The following TANC2 variants were observed in gnomAD, a reference collection of about 807,000 sequenced individuals.
TANC2 encodes the protein tetratricopeptide repeat, ankyrin repeat and coiled-coil containing 2, also known as protein TANC2.
Under a neutral mutation model 210.5 loss-of-function variants are expected in TANC2, and 26 were observed. The ratio of observed to expected loss-of-function variants is 0.12; its 90% confidence interval spans 0.09 to 0.17. The LOEUF (loss-of-function observed/expected upper bound fraction) is 0.17. Ranked by LOEUF, TANC2 falls within the 10% of genes least tolerant of loss-of-function variation. TANC2 has a pLI of 1.00. For synonymous variants in TANC2, 931 were observed against 967.1 expected (o/e 0.96, Z 0.69); for missense variants, 2,129 against 2,608.9 (o/e 0.82, Z 4.01).
In TANC2 at chr17:63,412,632, A is replaced by G; in HGVS notation, c.3899-48A>G. On this transcript the variant is annotated intron_variant, in intron 23 of 27. Coordinates refer to ENST00000689528, the Ensembl canonical transcript of TANC2. The surrounding 1 kb of genome is among the most constrained non-coding windows in gnomAD (Gnocchi z 4.2). ...CTTTTTTTTTTTTTCACCTTCATCCATTTTTTTTTCCTCTCCTACAACTTT... is the reference window on the plus strand; with the variant it reads ...CTTTTTTTTTTTTTCACCTTCATCCGTTTTTTTTTCCTCTCCTACAACTTT... 2 of 1,373,116 alleles carry G rather than the reference A, an allele frequency of 1.5e-6. No homozygotes were observed. The highest frequency in any genetic ancestry group is 5.3e-5 in the East Asian group (2 of 37,518). The allele number at this position is 1,373,116 out of a possible 1,614,324, so 85.1% of individuals were successfully genotyped here. A position where few individuals can be genotyped will look rare whatever the true frequency, so the allele number is the denominator to read the frequency against.
At chr17:63,048,013 A>G (rs1366872473) in intron 2 of TANC2, among the ~76,000 whole-genome samples, 2 of 152,178 alleles carry the variant, frequency 1.3e-5, no homozygotes, top group Non-Finnish European at 2.9e-5. Context: ...AAGACTTTTT[A>G]TCAGGATTCT....
chr17:63,111,637 C>T (rs551572089), intron 4 of TANC2, among the ~76,000 whole-genome samples: 14 of 152,252 alleles, frequency 9.2e-5, no homozygotes, highest in Admixed American at 3.3e-4. Context: ...CTTTTTCAGG[C>T]ACAATCTGTC....
chr17:63,165,556 A>C (rs940193726), intron 5 of TANC2, among the ~76,000 whole-genome samples: 10 of 152,178 alleles, frequency 6.6e-5, no homozygotes, highest in African/African-American at 2.4e-4. Context: ...GCTACACTGC[A>C]GTGGATTACT....
chr17:63,300,713 C>T lies in TANC2; in HGVS notation c.1160-13675C>T, dbSNP rs1341785652. 7.2e-5 allele frequency among the ~76,000 whole-genome samples: 11 copies of T among 152,162 alleles called. No homozygotes were observed. The East Asian group carries it at 7.7e-4, about 11-fold the overall frequency. Reference sequence around the variant, plus strand: ...ATGGAGTTTTCTAAATATAGAATCACGTCTTCTGCAAACAGACAATTTGGC... The same window carrying T: ...ATGGAGTTTTCTAAATATAGAATCATGTCTTCTGCAAACAGACAATTTGGC... On this transcript the variant is annotated intron_variant, in intron 9 of 27. Transcript: ENST00000689528.
At chr17:63,231,869 C>T (rs1158242490) in intron 7 of TANC2, among the ~76,000 whole-genome samples, 1 of 152,172 alleles carries the variant, frequency 6.6e-6, no homozygotes, top group Non-Finnish European at 1.5e-5. Flanking sequence ...AACTTGGTTC[C>T]ATTCTCCCTG....
At chr17:62,987,337 C>T (rs1192596305) in intron 1 of TANC2, among the ~76,000 whole-genome samples, 5 of 152,152 alleles carry the variant, frequency 3.3e-5, no homozygotes, top group Non-Finnish European at 7.4e-5. Context: ...TACTGGCCCC[C>T]AGATGAGGGC....
At chr17:63,255,396 G>A (rs2043165759) in intron 8 of TANC2, among the ~76,000 whole-genome samples, 2 of 152,036 alleles carry the variant, frequency 1.3e-5, no homozygotes, top group Non-Finnish European at 2.9e-5. Flanking sequence ...CCGGCCGGCA[G>A]TAGTTCTTTT....
intron 6 of TANC2, among the ~76,000 whole-genome samples, chr17:63,194,562 G>A (rs1223725505): frequency 6.6e-6 from 1 of 152,186 alleles, no homozygotes; most frequent in African/African-American, 2.4e-5. Flanking sequence ...TTTAGAAAGT[G>A]GGATCTAAAA....
chr17:63,053,839 T>G (rs1157593328), intron 2 of TANC2, among the ~76,000 whole-genome samples: 1 of 152,208 alleles, frequency 6.6e-6, no homozygotes, highest in East Asian at 1.9e-4. Flanking sequence ...ATCTTACTCT[T>G]CTGACAGCAG....
chr17:63,293,750 TG>T (rs1380726984), intron 9 of TANC2, among the ~76,000 whole-genome samples: 1 of 152,148 alleles, frequency 6.6e-6, no homozygotes, highest in East Asian at 1.9e-4. Flanking sequence ...TTTTTGTTTT[TG>T]TTTTTTTTCC....
intron 20 of TANC2, among the ~76,000 whole-genome samples, 179 bp downstream of exon 20, chr17:63,405,434 C>G (rs768542659): frequency 6.6e-6 from 1 of 152,232 alleles, no homozygotes; most frequent in East Asian, 1.9e-4. Context: ...AGTTAACATT[C>G]AAAACCATCA....
intron 8 of TANC2, among the ~76,000 whole-genome samples, chr17:63,238,939 A>G (rs1433907492): frequency 1.3e-5 from 2 of 152,100 alleles, no homozygotes; most frequent in Non-Finnish European, 2.9e-5. Context: ...CACCCCCATG[A>G]TCCAATCACC....
In TANC2 at chr17:63,366,826, A is replaced by G. The variant is rs572545991; in HGVS notation, c.2582+11436A>G. On this transcript the variant is annotated intron_variant, in intron 14 of 27. Transcript: ENST00000689528. ...TGAATTCAGCTTCCATGAGAAAGCC[A>G]TGAAAAAATATGCCGAAGCAGTTAC... Among the ~76,000 whole-genome samples, 5 of 152,380 alleles carry G rather than the reference A, an allele frequency of 3.3e-5. No homozygotes were observed. In the South Asian group the frequency reaches 8.3e-4, roughly 25 times the overall value.
At chr17:63,045,924 C>T (rs898940270) in intron 2 of TANC2, among the ~76,000 whole-genome samples, 5 of 152,038 alleles carry the variant, frequency 3.3e-5, no homozygotes, top group African/African-American at 1.2e-4. Context: ...TGTAGGCACA[C>T]ACCATCATGC....
chr17:63,410,580 T>A (rs1172810389), intron 21 of TANC2, among the ~76,000 whole-genome samples: 1 of 152,064 alleles, frequency 6.6e-6, no homozygotes, highest in Non-Finnish European at 1.5e-5. Flanking sequence ...ATGGAAGGCT[T>A]CTGCTCAGCT....
rs573499946 is a variant in TANC2, at chr17:63,286,916, GTGTT to G, written c.1159+19056_1159+19059del. ...TTTTTCACTTCAGCTGGGTGTGTGT[GTGTT>G]TGTTTGTTTGTTAGTTTTGAGATGG... is the stretch of plus-strand genomic sequence containing the variant. On this transcript the variant is annotated intron_variant, in intron 9 of 27. Coordinates refer to ENST00000689528, the Ensembl canonical transcript of TANC2. 1.1e-4 allele frequency among the ~76,000 whole-genome samples: 17 copies of G among 152,098 alleles called. No homozygotes were observed. In the East Asian group the frequency reaches 2.5e-3, roughly 22 times the overall value.
At chr17:63,220,801 T>TAC (rs2042163478) in intron 7 of TANC2, among the ~76,000 whole-genome samples, 1 of 147,772 alleles carries the variant, frequency 6.8e-6, no homozygotes, top group Non-Finnish European at 1.5e-5. Flanking sequence ...TATGTATATA[T>TAC]ACGTGTATAT....
At chr17:63,076,685 A>G (rs1258992541) in intron 3 of TANC2, among the ~76,000 whole-genome samples, 1 of 152,172 alleles carries the variant, frequency 6.6e-6, no homozygotes, top group Non-Finnish European at 1.5e-5. Flanking sequence ...TTATAGAACT[A>G]TTATCCCCAG....
chr17:63,245,624 C>T (rs1357313630), intron 8 of TANC2, among the ~76,000 whole-genome samples: 1 of 151,952 alleles, frequency 6.6e-6, no homozygotes, highest in East Asian at 1.9e-4. Context: ...AGACGAATCA[C>T]GAGGTCAGGA....
Sources: gnomAD v4.1 joint callset for allele counts (sites outside exome capture counted in the v4.1 genomes callset) on GRCh38, gnomAD v4.1.1 for gene constraint, Gnocchi (gnomAD v3.1) non-coding constraint, MANE v1.5 for transcripts, NCBI Gene and HGNC (gene_info 2026-07-23, HGNC 2026-07-21) for gene names.